The following GNAQ variants were observed in gnomAD, a reference collection of about 807,000 sequenced individuals.
The protein encoded by GNAQ is G protein subunit alpha q, also known as guanine nucleotide-binding protein G(q) subunit alpha.
Under a neutral mutation model 43.9 loss-of-function variants are expected in GNAQ, and 8 were observed. The ratio of observed to expected loss-of-function variants is 0.18; its 90% CI spans 0.11 to 0.33. The LOEUF is 0.33. Among genes scored for constraint, GNAQ ranks in the 10% least tolerant of loss-of-function variants. The pLI is 1.00. For synonymous variants in GNAQ, 155 were observed against 170.7 expected (o/e 0.91, Z 0.71); for missense variants, 158 against 450.8 (o/e 0.35, Z 5.88).
chr9:77,804,265 A>T (rs1826790155), intron 3 of GNAQ, among the ~76,000 whole-genome samples: 1 of 152,218 alleles, frequency 6.6e-6, no homozygotes, highest in African/African-American at 2.4e-5. Flanking sequence ...TAGCACAGAA[A>T]TTAAAAATTC....
chr9:77,989,917 TTCA>T (rs779334253), intron 1 of GNAQ, among the ~76,000 whole-genome samples: 58 of 152,334 alleles, frequency 3.8e-4, no homozygotes, highest in African/African-American at 1.3e-3. Flanking sequence ...TTTACTCCTT[TTCA>T]TCATAAGTGT....
rs561130110 is a variant in GNAQ at position 77,801,683 on chromosome 9, C to G, written c.477-4035G>C. ...CTAAGAGGAACTGTATCTAGCTCTG[C>G]TAGTTCCAACATACATCATCTAGAA... On this transcript the variant is annotated intron_variant, in intron 3 of 6. Transcript: ENST00000286548. Among the ~76,000 whole-genome samples the G allele has an allele frequency of 7.9e-5, 12 of 152,256 alleles. No individual in the cohort carries two copies. In the South Asian group the frequency reaches 2.3e-3, roughly 29 times the overall value.
chr9:77,968,993 C>T (rs947951644), intron 1 of GNAQ, among the ~76,000 whole-genome samples: 1 of 152,198 alleles, frequency 6.6e-6, no homozygotes, highest in South Asian at 2.1e-4. Flanking sequence ...GATGGCGGAG[C>T]CAAGAGCTTA....
intron 2 of GNAQ, among the ~76,000 whole-genome samples, chr9:77,827,950 C>T (rs1242288196): frequency 6.7e-6 from 1 of 150,260 alleles, no homozygotes; most frequent in East Asian, 2.0e-4. Context: ...GTCCCAGCTA[C>T]TTGGGAGGCT....
At chr9:77,932,394 T>A (rs1829164848) in intron 1 of GNAQ, among the ~76,000 whole-genome samples, 1 of 152,194 alleles carries the variant, frequency 6.6e-6, no homozygotes. Context: ...GATAGATGAA[T>A]AATAAAATAT....
intron 5 of GNAQ, among the ~76,000 whole-genome samples, chr9:77,787,312 A>G (rs921988990): frequency 6.6e-6 from 1 of 152,218 alleles, no homozygotes; most frequent in African/African-American, 2.4e-5. Context: ...ACCTGGTAGG[A>G]GAGGGCACTT....
intron 1 of GNAQ, among the ~76,000 whole-genome samples, chr9:77,971,368 C>G (rs960702834): frequency 6.6e-6 from 1 of 152,082 alleles, no homozygotes; most frequent in South Asian, 2.1e-4. Context: ...AACATCGATG[C>G]AAAAATCCTC....
At chr9:77,851,730 T>A (rs1364032315) in intron 2 of GNAQ, among the ~76,000 whole-genome samples, 1 of 152,192 alleles carries the variant, frequency 6.6e-6, no homozygotes, top group African/African-American at 2.4e-5. Context: ...GGTAGCAGCA[T>A]GTCATGGAAA....
intron 2 of GNAQ, among the ~76,000 whole-genome samples, chr9:77,900,654 A>C (rs1181762176): frequency 6.6e-6 from 1 of 152,004 alleles, no homozygotes; most frequent in Non-Finnish European, 1.5e-5. Flanking sequence ...CAGCTTCCCA[A>C]AGTATTGGGA....
At position 77,720,413 on chromosome 9, in the gene GNAQ, A is replaced by C. The variant is rs1021054912; in HGVS notation, c.*910T>G. 4 of 233,480 alleles carry C rather than the reference A, an allele frequency of 1.7e-5. No individual in the cohort carries two copies. The highest frequency in any genetic ancestry group is 1.2e-3 in the Middle Eastern group (1 of 806). The allele number at this position is 233,480 out of a possible 1,614,324, so 14.5% of individuals were successfully genotyped here. On this transcript the variant is annotated 3_prime_UTR_variant, in exon 7 of 7. Transcript: ENST00000286548. ...GGAAAAGCTTGAACAACAACAACAA[A>C]AAAATTAAGAACAACCTATAAAAAG...
At chr9:77,999,735 G>A (rs549988932) in intron 1 of GNAQ, among the ~76,000 whole-genome samples, 1 of 152,250 alleles carries the variant, frequency 6.6e-6, no homozygotes, top group East Asian at 1.9e-4. Context: ...GATTAACAAA[G>A]AAATGATTTG....
At chr9:77,893,150 C>A (rs974702501) in intron 2 of GNAQ, among the ~76,000 whole-genome samples, 1 of 152,152 alleles carries the variant, frequency 6.6e-6, no homozygotes, top group African/African-American at 2.4e-5. Flanking sequence ...TACTGGGCTG[C>A]ATTCCCAGAT....
In GNAQ at chr9:77,760,308, C is replaced by A. The variant is rs2095431; in HGVS notation, c.736-31641G>T. ...TCTCGGCTCACTGCAACCTCCCTGCCTGATTCTCCTGCCTCAGCCTGCTGA... is the reference window on the plus strand; with the variant it reads ...TCTCGGCTCACTGCAACCTCCCTGCATGATTCTCCTGCCTCAGCCTGCTGA... On this transcript the variant is annotated intron_variant, in intron 5 of 6. Coordinates refer to ENST00000286548, the MANE Select transcript of GNAQ (RefSeq NM_002072.5). 5.0e-3 allele frequency among the ~76,000 whole-genome samples: 766 copies of A among 152,042 alleles called. 8 individuals carry two copies. Among genetic ancestry groups the A allele is most frequent in the African/African-American group, 0.018 (732 of 41,468 alleles).
chr9:77,851,605 T>A (rs1000238556), intron 2 of GNAQ, among the ~76,000 whole-genome samples: 2 of 152,212 alleles, frequency 1.3e-5, no homozygotes, highest in Non-Finnish European at 2.9e-5. Context: ...CTTTATTACG[T>A]ATCTCTGCTC....
intron 5 of GNAQ, among the ~76,000 whole-genome samples, chr9:77,760,490 G>A (rs1219203651): frequency 6.6e-6 from 1 of 152,116 alleles, no homozygotes; most frequent in East Asian, 1.9e-4. Flanking sequence ...ATTGCAGACA[G>A]TGTCTGGTTC....
intron 2 of GNAQ, among the ~76,000 whole-genome samples, chr9:77,900,973 G>A (rs557273339): frequency 6.4e-4 from 97 of 152,096 alleles, no homozygotes; most frequent in African/African-American, 1.9e-3. Flanking sequence ...AATTTCCACT[G>A]ACCAACAAAC....
At chr9:77,936,879 A>C (rs1829240287) in intron 1 of GNAQ, among the ~76,000 whole-genome samples, 1 of 152,224 alleles carries the variant, frequency 6.6e-6, no homozygotes, top group African/African-American at 2.4e-5. Context: ...TACATATTAA[A>C]TGAATGACTG....
chr9:77,739,892 G>A (rs1825628322), intron 5 of GNAQ, among the ~76,000 whole-genome samples: 1 of 152,178 alleles, frequency 6.6e-6, no homozygotes, highest in Admixed American at 6.5e-5. Context: ...CAGAAAGCAG[G>A]CTTAGATGAC....
intron 2 of GNAQ, among the ~76,000 whole-genome samples, chr9:77,826,058 C>A (rs897115565): frequency 6.6e-6 from 1 of 152,162 alleles, no homozygotes; most frequent in African/African-American, 2.4e-5. Flanking sequence ...GAAGTCCCAG[C>A]AACACTGCAT....
Sources: gnomAD v4.1 joint callset for allele counts (sites outside exome capture counted in the v4.1 genomes callset) on GRCh38, gnomAD v4.1.1 for gene constraint, MANE v1.5 for transcripts, NCBI Gene and HGNC (gene_info 2026-07-23, HGNC 2026-07-21) for gene names.